The following PTPN2 variants were observed in gnomAD, a reference collection of about 807,000 sequenced individuals.
The protein encoded by PTPN2 is protein tyrosine phosphatase non-receptor type 2, also known as tyrosine-protein phosphatase non-receptor type 2.
A neutral mutation model predicts 57.3 loss-of-function variants in PTPN2; 19 were observed. The observed-to-expected ratio is 0.33, with a 90% CI of 0.23 to 0.49. The LOEUF is 0.49. Among genes scored for constraint, PTPN2 ranks in the 20% least tolerant of loss-of-function variants. The pLI, the probability that PTPN2 is intolerant of heterozygous loss-of-function variation, is 0.99. For missense variants in PTPN2, 358 were observed against 501.1 expected (o/e 0.71, Z 2.73); for synonymous variants, 153 against 164.9 (o/e 0.93, Z 0.55).
intron 7 of PTPN2, among the ~76,000 whole-genome samples, chr18:12,807,037 T>C (rs1313350493): frequency 6.6e-6 from 1 of 152,146 alleles, no homozygotes; most frequent in Non-Finnish European, 1.5e-5. Context: ...ACTATACATT[T>C]GACAGGGATT....
At chr18:12,834,023 A>C (rs1365282178) in intron 3 of PTPN2, among the ~76,000 whole-genome samples, 1 of 152,160 alleles carries the variant, frequency 6.6e-6, no homozygotes, top group Non-Finnish European at 1.5e-5. Flanking sequence ...AGCGACAAGA[A>C]GTTCAAAAAC....
chr18:12,801,775 C>T (rs772186698), intron 8 of PTPN2, 195 bp downstream of exon 8: 46 of 579,326 alleles, frequency 7.9e-5, no homozygotes, highest in Non-Finnish European at 1.1e-4. Flanking sequence ...CACTATGTTG[C>T]CCAGGCTGGT....
At chr18:12,857,472 C>A (rs951398432) in intron 2 of PTPN2, among the ~76,000 whole-genome samples, 1 of 152,180 alleles carries the variant, frequency 6.6e-6, no homozygotes, top group African/African-American at 2.4e-5. Flanking sequence ...TATACTCGAT[C>A]TTTCTGTATT....
At position 12,881,256 on chromosome 18, in the gene PTPN2, G is replaced by A. The variant is rs529680671; in HGVS notation, c.69+2817C>T. 1.6e-4 allele frequency among the ~76,000 whole-genome samples: 24 copies of A among 152,168 alleles called. No homozygotes were observed. The Middle Eastern group carries it at 0.02, about 129-fold the overall frequency. On this transcript the variant is annotated intron_variant, in intron 1 of 8. Transcript: ENST00000309660. ...TCGAGACCAGCCTGGCCAACATGTC[G>A]AAACCCTGTCTCTACTAAAAGTACA...
chr18:12,834,194 G>C (rs2042768141), intron 3 of PTPN2, among the ~76,000 whole-genome samples: 1 of 152,106 alleles, frequency 6.6e-6, no homozygotes, highest in Non-Finnish European at 1.5e-5. Context: ...GGGAGTGGTG[G>C]TGAGCACCTG....
intron 3 of PTPN2, among the ~76,000 whole-genome samples, chr18:12,836,214 C>A (rs139084867): frequency 6.6e-6 from 1 of 152,210 alleles, no homozygotes; most frequent in East Asian, 1.9e-4. Context: ...CCTACTATCT[C>A]AGAATGGAAG....
chr18:12,789,961 TCTC>T (rs1265263091), downstream of PTPN2, among the ~76,000 whole-genome samples: 5 of 151,750 alleles, frequency 3.3e-5, no homozygotes, highest in South Asian at 8.3e-4. Context: ...GAGAGACAAG[TCTC>T]CTCTACTGCC....
chr18:12,864,279 AC>A (rs2043919449), intron 1 of PTPN2: 1 of 152,092 alleles, frequency 6.6e-6, no homozygotes, highest in East Asian at 1.9e-4. Flanking sequence ...CATTAAGACC[AC>A]ACACCACCTT....
At chr18:12,851,275 C>T (rs2043386756) in intron 2 of PTPN2, among the ~76,000 whole-genome samples, 1 of 9,120 alleles carries the variant, frequency 1.1e-4, no homozygotes, top group Admixed American at 2.4e-3. Context: ...GTCAGGAGAT[C>T]GAGACCATCC....
At chr18:12,881,391 C>T (rs894746625) in intron 1 of PTPN2, among the ~76,000 whole-genome samples, 1 of 152,040 alleles carries the variant, frequency 6.6e-6, no homozygotes, top group Non-Finnish European at 1.5e-5. Context: ...GAGCTGACGT[C>T]GCACCACTGC....
intron 9 of PTPN2, chr18:12,786,095 T>C (rs936097116): frequency 2.2e-5 from 11 of 496,698 alleles, no homozygotes; most frequent in Non-Finnish European, 3.5e-5. Context: ...TATATTCTTC[T>C]TCAAGAATTA....
At chr18:12,874,022 G>A (rs545029509) in intron 1 of PTPN2, among the ~76,000 whole-genome samples, 44 of 150,732 alleles carry the variant, frequency 2.9e-4, no homozygotes, top group Middle Eastern at 6.9e-3. Context: ...CAACCGCCCC[G>A]TCTGAGAAGT....
chr18:12,882,569 C>T (rs187050685), intron 1 of PTPN2, among the ~76,000 whole-genome samples: 2 of 152,180 alleles, frequency 1.3e-5, no homozygotes, highest in Admixed American at 6.5e-5. Flanking sequence ...GCAGCCTCTG[C>T]TAAAACAAAT....
intron 7 of PTPN2, among the ~76,000 whole-genome samples, 195 bp downstream of exon 7, chr18:12,814,008 C>T (rs1184556316): frequency 2.0e-5 from 3 of 152,178 alleles, no homozygotes; most frequent in South Asian, 2.1e-4. Flanking sequence ...AAGTAACACA[C>T]AGGATTTAAC....
chr18:12,804,804 AAAT>A (rs1218887090), intron 7 of PTPN2, among the ~76,000 whole-genome samples: 1 of 152,182 alleles, frequency 6.6e-6, no homozygotes, highest in African/African-American at 2.4e-5. Flanking sequence ...ACAAACATTT[AAAT>A]AATACTAATT....
chr18:12,799,670 C>CT (rs1466724423), intron 8 of PTPN2, among the ~76,000 whole-genome samples: 1 of 151,584 alleles, frequency 6.6e-6, no homozygotes, highest in African/African-American at 2.4e-5. Flanking sequence ...CTGCAACCTC[C>CT]TGGGTTCAAG....
rs141911621 is a variant in PTPN2, at chr18:12,858,038, C to G, written c.160+1126G>C. Among the ~76,000 whole-genome samples, 77 of 152,130 alleles carry G rather than the reference C, an allele frequency of 5.1e-4. No individual in the cohort carries two copies. The East Asian group carries it at 0.014, about 28-fold the overall frequency. On this transcript the variant is annotated intron_variant, in intron 2 of 8. Coordinates refer to ENST00000309660, the MANE Select transcript of PTPN2 (RefSeq NM_002828.4). ...AAAAATAAGGATTTTTTTCCAGTAA[C>G]TGATGGATTTTTCAGTGGTACATCC...
chr18:12,820,252 G>T (rs1350539678), intron 5 of PTPN2, among the ~76,000 whole-genome samples: 1 of 150,160 alleles, frequency 6.7e-6, no homozygotes, highest in Non-Finnish European at 1.5e-5. Flanking sequence ...AAAATCAGTT[G>T]TTGTTTTTTT....
At chr18:12,865,831 A>C (rs2043973919) in intron 1 of PTPN2, among the ~76,000 whole-genome samples, 1 of 151,998 alleles carries the variant, frequency 6.6e-6, no homozygotes, top group Non-Finnish European at 1.5e-5. Context: ...AAACCAAAAA[A>C]CAAAAAACTA....
Sources: gnomAD v4.1 joint callset for allele counts (sites outside exome capture counted in the v4.1 genomes callset) on GRCh38, gnomAD v4.1.1 for gene constraint, MANE v1.5 for transcripts, NCBI Gene and HGNC (gene_info 2026-07-23, HGNC 2026-07-21) for gene names.